EXOC4: variants seen among roughly 807,000 people sequenced by gnomAD.
EXOC4 encodes the protein exocyst complex component 4.
In EXOC4, 71 loss-of-function variants were observed where a neutral mutation model predicts 107.2. The ratio of observed to expected loss-of-function variants is 0.66; its 90% CI spans 0.55 to 0.81. The LOEUF (loss-of-function observed/expected upper bound fraction) is 0.81, where lower values mean the gene tolerates loss of function less well. EXOC4 is among the 30% of genes least tolerant of loss of function. The probability of loss-of-function intolerance (pLI) is 0.00; values close to 1 mark genes in which losing one functional copy is unlikely to be tolerated. For missense variants in EXOC4, 1,108 were observed against 1,189.6 expected, an observed-to-expected ratio of 0.93 and a Z score of 1.01; for synonymous variants, 456 against 441.2, an observed-to-expected ratio of 1.03 and a Z score of -0.42.
chr7:134,064,434 C>T lies in EXOC4; in HGVS notation c.2831C>T (p.Thr944Ile), dbSNP rs748689718. 8 of 1,609,090 alleles carry T rather than the reference C, an allele frequency of 5.0e-6. No homozygotes were observed. In the South Asian group the frequency reaches 5.6e-5, roughly 11 times the overall value. ...RSQTGVGELT[T>I]QNTRLQRLKE... ...CAGACTGGGGTGGGGGAACTGACCA[C>T]CCAGAACACGAGGCTGCAGAGGCTC... Residue 944 changes from threonine (T) to isoleucine (I), a missense_variant, in exon 18 of 18, where the codon ACC becomes ATC. Thr to Ile is a moderately conservative substitution (Grantham distance 89, BLOSUM62 -1). Coordinates refer to ENST00000253861, the MANE Select transcript of EXOC4 (RefSeq NM_021807.4).
chr7:133,555,177 A>G (rs779424277), intron 9 of EXOC4, among the ~76,000 whole-genome samples: 20 of 152,218 alleles, frequency 1.3e-4, no homozygotes, highest in Non-Finnish European at 2.6e-4. Context: ...ATAGATGGAA[A>G]AACTAGTAAT....
chr7:133,485,648 C>T, intron 9 of EXOC4, among the ~76,000 whole-genome samples: 1 of 152,170 alleles, frequency 6.6e-6, no homozygotes, highest in East Asian at 1.9e-4. Context: ...ACTTCCTTCA[C>T]TTCCCTTGAC....
At chr7:133,287,510 T>G (rs574341009) in intron 2 of EXOC4, among the ~76,000 whole-genome samples, 2 of 152,224 alleles carry the variant, frequency 1.3e-5, no homozygotes, top group South Asian at 4.1e-4. Context: ...AGAGAGGGTT[T>G]CACCGTGTTA....
At chr7:133,525,495 C>A (rs965090585) in intron 9 of EXOC4, among the ~76,000 whole-genome samples, 1 of 152,154 alleles carries the variant, frequency 6.6e-6, no homozygotes, top group African/African-American at 2.4e-5. Flanking sequence ...TGCTTCAGAG[C>A]ATTTCCTCTT....
intron 11 of EXOC4, among the ~76,000 whole-genome samples, chr7:133,858,148 T>C (rs1364487304): frequency 1.3e-5 from 2 of 152,200 alleles, no homozygotes; most frequent in Admixed American, 6.5e-5. Context: ...ACAGCCCTTT[T>C]CGCACCCACC....
At chr7:133,338,405 A>G (rs946513961) in intron 5 of EXOC4, among the ~76,000 whole-genome samples, 1 of 149,356 alleles carries the variant, frequency 6.7e-6, no homozygotes, top group Non-Finnish European at 1.5e-5. Flanking sequence ...CATCCTGGCT[A>G]ACAAGGTGAA....
chr7:133,801,681 G>C (rs115076194), intron 10 of EXOC4, among the ~76,000 whole-genome samples: 2,264 of 152,218 alleles, frequency 0.015, 56 homozygotes, highest in African/African-American at 0.05. Context: ...ATTATTCTTC[G>C]ACTTCTGTCA....
intron 10 of EXOC4, among the ~76,000 whole-genome samples, chr7:133,712,524 G>A (rs1157383199): frequency 6.7e-6 from 1 of 148,802 alleles, no homozygotes; most frequent in Non-Finnish European, 1.5e-5. Context: ...CCACCATGAT[G>A]CATGATGGCA....
intron 9 of EXOC4, among the ~76,000 whole-genome samples, chr7:133,608,265 T>C (rs956786368): frequency 5.3e-5 from 8 of 152,084 alleles, no homozygotes; most frequent in Admixed American, 2.0e-4. Flanking sequence ...ATATTTTCTC[T>C]TATATTCCTT....
chr7:133,912,820 G>C (rs1038172802), intron 12 of EXOC4, among the ~76,000 whole-genome samples: 1 of 152,142 alleles, frequency 6.6e-6, no homozygotes. Context: ...GCCCTTGAGT[G>C]CACATTTAAA....
chr7:133,393,024 A>G (rs112978987), intron 7 of EXOC4, among the ~76,000 whole-genome samples: 5 of 152,094 alleles, frequency 3.3e-5, no homozygotes, highest in African/African-American at 9.7e-5. Context: ...TCTGTCCTCT[A>G]AATATGACTC....
intron 12 of EXOC4, among the ~76,000 whole-genome samples, chr7:133,902,661 T>C (rs935859325): frequency 6.6e-6 from 1 of 152,092 alleles, no homozygotes; most frequent in Non-Finnish European, 1.5e-5. Context: ...GAGACCATCA[T>C]GGCCAACATG....
Position 133,906,186 on chromosome 7 carries a change from C to T in EXOC4, c.1871+10451C>T, listed in dbSNP as rs541027112. 2.0e-3 allele frequency among the ~76,000 whole-genome samples: 310 copies of T among 152,310 alleles called. No homozygotes were observed. The Middle Eastern group carries it at 0.031, about 15-fold the overall frequency. On this transcript the variant is annotated intron_variant, in intron 12 of 17. Coordinates refer to ENST00000253861, the MANE Select transcript of EXOC4 (RefSeq NM_021807.4). ...AATAGCACAGACTAGACACTAGGGA[C>T]TCTGGTGGCTTCTGAAGCCCTTCAG... is the stretch of plus-strand genomic sequence containing the variant.
intron 10 of EXOC4, among the ~76,000 whole-genome samples, chr7:133,710,647 G>A (rs1158431239): frequency 2.9e-5 from 4 of 139,332 alleles, no homozygotes; most frequent in African/African-American, 1.1e-4. Flanking sequence ...GCGACAGAGT[G>A]AGACTCTGTC....
intron 9 of EXOC4, among the ~76,000 whole-genome samples, chr7:133,510,752 A>G (rs2150898226): frequency 6.6e-6 from 1 of 152,300 alleles, no homozygotes; most frequent in East Asian, 1.9e-4. Context: ...GGCCTCAAAT[A>G]ACTACTTAGT....
chr7:133,992,681 A>G (rs533977953), intron 14 of EXOC4, among the ~76,000 whole-genome samples: 1 of 150,786 alleles, frequency 6.6e-6, no homozygotes, highest in South Asian at 2.1e-4. Context: ...TCTAAATATA[A>G]GATCATGTCA....
chr7:133,492,353 GAC>G (rs1799387888), intron 9 of EXOC4, among the ~76,000 whole-genome samples: 1 of 152,170 alleles, frequency 6.6e-6, no homozygotes, highest in South Asian at 2.1e-4. Flanking sequence ...CATTTGTTAA[GAC>G]AGGAAATATA....
At chr7:134,078,359 TCTG>T in the EXOC4 span, among the ~76,000 whole-genome samples, 3 of 151,688 alleles carry the variant, frequency 2.0e-5, no homozygotes, top group African/African-American at 7.2e-5. Flanking sequence ...AGATTATAAA[TCTG>T]CTGTCTATAA....
At position 133,792,185 on chromosome 7, in the gene EXOC4, T is replaced by G. The variant is rs375157836; in HGVS notation, c.1515-25140T>G. ...CATTCTGTTTGGCCCTCTTTTGGTT[T>G]GGATGTTCCTTTCAGAATTGATGAG... On this transcript the variant is annotated intron_variant, in intron 10 of 17. Transcript: ENST00000253861. 1.1e-3 allele frequency among the ~76,000 whole-genome samples: 166 copies of G among 152,268 alleles called. 8 individuals are homozygous for G. The South Asian group carries it at 0.034, about 31-fold the overall frequency.
Sources: gnomAD v4.1 joint callset for allele counts (sites outside exome capture counted in the v4.1 genomes callset) on GRCh38, gnomAD v4.1.1 for gene constraint, MANE v1.5 for transcripts, NCBI Gene and HGNC (gene_info 2026-07-23, HGNC 2026-07-21) for gene names.